USP15: variants seen among roughly 807,000 people sequenced by gnomAD.
USP15 encodes ubiquitin specific peptidase 15, also known as ubiquitin carboxyl-terminal hydrolase 15.
Under a neutral mutation model 127.1 loss-of-function variants are expected in USP15, and 18 were observed. The ratio of observed to expected loss-of-function variants is 0.14; its 90% CI spans 0.10 to 0.21. The LOEUF (loss-of-function observed/expected upper bound fraction) is 0.21, where lower values mean the gene tolerates loss of function less well. USP15 is among the 10% of genes least tolerant of loss of function. The pLI, the probability that USP15 is intolerant of heterozygous loss-of-function variation, is 1.00. For synonymous variants in USP15, 364 were observed against 393.7 expected (o/e 0.92, Z 0.89); for missense variants, 805 against 1,159.9 (o/e 0.69, Z 4.44).
chr12:62,312,345 A>G, intron 3 of USP15: 1 of 317,360 alleles, frequency 3.2e-6, no homozygotes, highest in South Asian at 2.4e-5. Flanking sequence ...ACACAGACAT[A>G]AAGGGTAGAC....
At chr12:62,315,430 A>T (rs2064805071) in intron 4 of USP15, among the ~76,000 whole-genome samples, 1 of 151,966 alleles carries the variant, frequency 6.6e-6, no homozygotes, top group Non-Finnish European at 1.5e-5. Context: ...AATATATATA[A>T]ATTGTTTTCT....
rs762991447 is a variant in USP15 at position 62,391,188 on chromosome 12, A to G, written c.1992A>G (p.Glu664=). Residue 664 remains glutamate (E), a synonymous_variant, in exon 16 of 22, where the codon GAA becomes GAG. Transcript: ENST00000280377. ...TGGAAACAGATGAGCCAGATGATGA[A>G]TCCAGCCAGGATCAAGAACTTCCCT... ...SEMETDEPDD[E]SSQDQELPSE... 1.3e-5 allele frequency: 21 copies of G among 1,613,470 alleles called. No homozygotes were observed. Among genetic ancestry groups the G allele is most frequent in the Non-Finnish European group, 1.4e-5 (16 of 1,179,718 alleles).
intron 3 of USP15, chr12:62,303,427 T>C (rs2064378243): frequency 6.6e-6 from 1 of 152,534 alleles, no homozygotes; most frequent in Admixed American, 6.5e-5. Context: ...ATTTCGTTTT[T>C]TTAGGGAACT....
chr12:62,337,665 G>T (rs1241454886), intron 6 of USP15, among the ~76,000 whole-genome samples: 1 of 138,112 alleles, frequency 7.2e-6, no homozygotes, highest in African/African-American at 2.7e-5. Flanking sequence ...GGTGTGTGTT[G>T]TTCCCCCTCC....
At chr12:62,347,406 T>G (rs2065851989) in intron 6 of USP15, among the ~76,000 whole-genome samples, 1 of 141,730 alleles carries the variant, frequency 7.1e-6, no homozygotes, top group Non-Finnish European at 1.5e-5. Flanking sequence ...CTCAGTCACT[T>G]TATTGGATGA....
rs1288609923 is a variant in USP15, at chr12:62,404,207, T to C, written c.2778T>C (p.Tyr926=). The change falls in exon 22 of 22, where the codon TAT becomes TAC. Residue 926 remains tyrosine (Y), a synonymous_variant. Coordinates refer to ENST00000280377, the MANE Select transcript of USP15 (RefSeq NM_001252078.2). ...TGTTTTGACAGTCCAAAGCAGCATA[T>C]GTACTCTTCTACCAGAGACAAGACA... The part of the protein sequence containing the change: ...SEDQIVSKAA[Y]VLFYQRQDTF... 1 of 1,612,524 alleles carries C rather than the reference T, an allele frequency of 6.2e-7. No homozygotes were observed. The highest frequency in any genetic ancestry group is 1.1e-5 in the South Asian group (1 of 90,998).
At chr12:62,397,667 G>A (rs1262086800) in intron 20 of USP15, among the ~76,000 whole-genome samples, 3 of 151,742 alleles carry the variant, frequency 2.0e-5, no homozygotes, top group East Asian at 3.9e-4. Context: ...GACCATCCTG[G>A]CCAACATGGT....
chr12:62,386,100 A>G (rs1054653489), intron 11 of USP15, among the ~76,000 whole-genome samples: 9 of 151,816 alleles, frequency 5.9e-5, no homozygotes, highest in African/African-American at 2.2e-4. Flanking sequence ...TTGGTGACCA[A>G]TAATATAAAT....
intron 3 of USP15, among the ~76,000 whole-genome samples, chr12:62,312,926 TTTTC>T (rs1483085840): frequency 2.6e-5 from 4 of 151,614 alleles, no homozygotes; most frequent in African/African-American, 9.7e-5. Flanking sequence ...TGCTAATTAT[TTTTC>T]TTTTTATGGT....
At chr12:62,317,097 C>G (rs2064851471) in intron 4 of USP15, among the ~76,000 whole-genome samples, 1 of 152,000 alleles carries the variant, frequency 6.6e-6, no homozygotes, top group Non-Finnish European at 1.5e-5. Context: ...TACAAAATAT[C>G]AACATATATG....
intron 18 of USP15, 103 bp from the exon 19 acceptor site, chr12:62,392,950 A>G (rs2067370481): frequency 1.5e-6 from 2 of 1,320,152 alleles, no homozygotes; most frequent in African/African-American, 3.0e-5. Flanking sequence ...ATAATTGCCC[A>G]CTGAATAAAT....
At position 62,415,424 on chromosome 12, in the gene USP15, T is replaced by C. The variant is rs1387640522; in HGVS notation, c.*11049T>C. 1 of 152,226 alleles carries C rather than the reference T, an allele frequency of 6.6e-6. No individual in the cohort carries two copies. The highest frequency in any genetic ancestry group is 1.5e-5 in the Non-Finnish European group (1 of 68,044). The allele number at this position is 152,226 out of a possible 1,614,324, so 9.4% of individuals were successfully genotyped here. A position where few individuals can be genotyped will look rare whatever the true frequency, so the allele number is the denominator to read the frequency against. Reference sequence around the variant, plus strand: ...ACCCTCATAGATATGCCCAGAATAATGTTTGACCACATATCTGGGCACCCT... The same window carrying C: ...ACCCTCATAGATATGCCCAGAATAACGTTTGACCACATATCTGGGCACCCT... On this transcript the variant is annotated 3_prime_UTR_variant, in exon 22 of 22. Transcript: ENST00000280377.
chr12:62,355,299 T>C (rs200164430), intron 7 of USP15, 32 bp from the exon 8 acceptor site: 4 of 1,557,430 alleles, frequency 2.6e-6, no homozygotes, highest in Non-Finnish European at 3.5e-6. Flanking sequence ...GTAATATAAT[T>C]GGCTGCATTA....
rs3085021 is a variant in USP15, at chr12:62,401,858, T to TTGTG, written c.2763+595_2763+598dup. ...TCCACCGCTGACTCTCAGTATGGGT[T>TTGTG]TGTGTGTGTGTGTGTATATGTATAT... On this transcript the variant is annotated intron_variant, in intron 21 of 21. Coordinates refer to ENST00000280377, the MANE Select transcript of USP15 (RefSeq NM_001252078.2). 9.9e-4 allele frequency among the ~76,000 whole-genome samples: 146 copies of TTGTG among 146,968 alleles called. 1 individual carries two copies. The highest frequency in any genetic ancestry group is 2.1e-3 in the African/African-American group (85 of 39,982).
intron 19 of USP15, 126 bp downstream of exon 19, chr12:62,393,328 T>G (rs2067380609): frequency 9.2e-7 from 1 of 1,081,542 alleles, no homozygotes; most frequent in African/African-American, 1.6e-5. Flanking sequence ...TCAAGTTTGT[T>G]TTTGAGTAGT....
chr12:62,328,037 C>A (rs1475487488), intron 6 of USP15, among the ~76,000 whole-genome samples: 1 of 152,146 alleles, frequency 6.6e-6, no homozygotes, highest in African/African-American at 2.4e-5. Flanking sequence ...TTGATACATC[C>A]TGTGCACCTC....
chr12:62,269,019 TCTTG>T (rs1166096051), intron 1 of USP15, among the ~76,000 whole-genome samples: 10 of 152,114 alleles, frequency 6.6e-5, no homozygotes. Flanking sequence ...GATTTTTGCA[TCTTG>T]CTTCTTTTAC....
At chr12:62,338,310 A>T (rs11174431) in intron 6 of USP15, among the ~76,000 whole-genome samples, 1 of 151,802 alleles carries the variant, frequency 6.6e-6, no homozygotes, top group African/African-American at 2.4e-5. Context: ...TCCTTTGCCC[A>T]CTTTTTGATG....
intron 21 of USP15, among the ~76,000 whole-genome samples, chr12:62,402,893 A>G (rs891445566): frequency 3.9e-5 from 6 of 152,114 alleles, no homozygotes; most frequent in African/African-American, 1.2e-4. Context: ...ACATAATTTA[A>G]GCAATTAAAA....
Sources: allele counts gnomAD v4.1 joint callset (sites outside exome capture counted in the v4.1 genomes callset), GRCh38; gene constraint gnomAD v4.1.1; transcripts MANE v1.5; gene names NCBI Gene and HGNC (gene_info 2026-07-23, HGNC 2026-07-21).